The following KLHL17 variants were observed in gnomAD, a reference collection of about 807,000 sequenced individuals.
The protein encoded by KLHL17 is kelch like family member 17, also known as kelch-like protein 17.
Under a neutral mutation model 64.6 loss-of-function variants are expected in KLHL17, and 71 were observed. That is an observed-to-expected ratio of 1.10 (90% confidence interval 0.91 to 1.34). The LOEUF (loss-of-function observed/expected upper bound fraction) is 1.34. KLHL17 is among the 40% of genes most tolerant of loss of function. The pLI, the probability that KLHL17 is intolerant of heterozygous loss-of-function variation, is 0.00. For missense variants in KLHL17, 1,140 were observed against 935.0 expected, an observed-to-expected ratio of 1.22 and a Z score of -2.86; for synonymous variants, 612 against 405.4, an observed-to-expected ratio of 1.51 and a Z score of -6.12.
Position 965,437 on chromosome 1 carries a change from C to A in KLHL17, c.*246C>A. 1 of 559,880 alleles carries A rather than the reference C, an allele frequency of 1.8e-6. No individual in the cohort carries two copies. The highest frequency in any genetic ancestry group is 3.3e-5 in the Admixed American group (1 of 30,030). 34.7% of individuals were successfully genotyped at this position (559,880 alleles called of 1,614,324 possible). ...CCCTCCACTGCCTGCATGGGGGGCG[C>A]GGGGAGTGACCAGGCGGGGGCCTCA... is the stretch of plus-strand genomic sequence containing the variant. On this transcript the variant is annotated 3_prime_UTR_variant, in exon 12 of 12. Coordinates refer to ENST00000338591, the MANE Select transcript of KLHL17 (RefSeq NM_198317.3).
rs147703918 is a variant in KLHL17, at chr1:962,773, C to G, written c.898C>G (p.Leu300Val). ...GCTGGGCCACGTGGATGCCGAGAGC[C>G]TGGTGAGGCACCACCCTGACTGCAA... ...FLLGHVDAESLVRHHPDCKDL... is the reference protein window; with the variant it reads ...FLLGHVDAESVVRHHPDCKDL... The change falls in exon 6 of 12, where the codon CTG becomes GTG. Residue 300 changes from leucine (L) to valine (V), a missense_variant. Coordinates refer to ENST00000338591, the MANE Select transcript of KLHL17 (RefSeq NM_198317.3). The G allele has an allele frequency of 6.2e-7, 1 of 1,611,280 alleles. No homozygotes were observed. Among genetic ancestry groups the G allele is most frequent in the South Asian group, 1.1e-5 (1 of 91,056 alleles).
In KLHL17 at chr1:965,243, G is replaced by A. The variant is rs1370225358; in HGVS notation, c.*52G>A. ...CTCCCACATGCCTTAAGGGGACCGT[G>A]GCCCCCACCAGGGACGTCCTGCGCC... On this transcript the variant is annotated 3_prime_UTR_variant, in exon 12 of 12. Transcript: ENST00000338591. 1.3e-6 allele frequency: 2 copies of A among 1,519,398 alleles called. No individual in the cohort carries two copies. The highest frequency in any genetic ancestry group is 9.1e-7 in the Non-Finnish European group (1 of 1,104,898). The allele number at this position is 1,519,398 out of a possible 1,614,324, so 94.1% of individuals were successfully genotyped here.
chr1:964,251 A>G, intron 10 of KLHL17, 71 bp downstream of exon 10: 1 of 1,598,110 alleles, frequency 6.3e-7, no homozygotes, highest in African/African-American at 1.3e-5. Context: ...GTTTACCCAC[A>G]TCCCCCCCAT....
At position 965,534 on chromosome 1, in the gene KLHL17, C is replaced by T; in HGVS notation, c.*343C>T. 3.1e-6 allele frequency: 1 copy of T among 325,356 alleles called. No individual in the cohort carries two copies. The highest frequency in any genetic ancestry group is 5.5e-5 in the East Asian group (1 of 18,314). 20.2% of individuals were successfully genotyped at this position (325,356 alleles called of 1,614,324 possible). A position where few individuals can be genotyped will look rare whatever the true frequency, so the allele number is the denominator to read the frequency against. On this transcript the variant is annotated 3_prime_UTR_variant, in exon 12 of 12. Coordinates refer to ENST00000338591, the MANE Select transcript of KLHL17 (RefSeq NM_198317.3). The stretch of plus-strand genomic sequence containing the variant: ...AGAGGCCCTGGGTCTCTCCAAGCAG[C>T]TGCAGACCCCAGCTCGAATTTTGCA...
At position 961,813 on chromosome 1, in the gene KLHL17, C is replaced by T. The variant is rs761842849; in HGVS notation, c.490-13C>T. ...CCCTGTGCCTCCCTCACCTGCCTCT[C>T]GGTGCCCCGTAGACTCTGCTCCCAG... On this transcript the variant is annotated splice_polypyrimidine_tract_variant and intron_variant, in intron 3 of 11. Coordinates refer to ENST00000338591, the MANE Select transcript of KLHL17 (RefSeq NM_198317.3). 15 of 1,610,122 alleles carry T rather than the reference C, an allele frequency of 9.3e-6. No homozygotes were observed. Among genetic ancestry groups the T allele is most frequent in the East Asian group, 4.5e-5 (2 of 44,858 alleles).
At chr1:963,807 T>G in intron 8 of KLHL17, 113 bp from the exon 9 acceptor site, 3 of 1,243,800 alleles carry the variant, frequency 2.4e-6, no homozygotes, top group South Asian at 1.3e-5. Context: ...CTTTGCGGTC[T>G]GAGTTTGACT....
Position 965,353 on chromosome 1 carries a change from TGAG to T in KLHL17, c.*166_*168del. ...GTTATTTATCTTATTTATTGAGGGGTGAGGAGTGCCACGGCTGCCCGTTTACAC... is the reference window on the plus strand; with the variant it reads ...GTTATTTATCTTATTTATTGAGGGGTGAGTGCCACGGCTGCCCGTTTACAC... On this transcript the variant is annotated 3_prime_UTR_variant, in exon 12 of 12. Transcript: ENST00000338591. The T allele has an allele frequency of 3.1e-6, 2 of 653,254 alleles. No individual in the cohort carries two copies. The highest frequency in any genetic ancestry group is 3.0e-5 in the Admixed American group (1 of 33,474). The allele number at this position is 653,254 out of a possible 1,614,324, so 40.5% of individuals were successfully genotyped here.
In KLHL17 at chr1:963,258, G is replaced by A; in HGVS notation, c.1187+5G>A. The A allele has an allele frequency of 6.2e-7, 1 of 1,600,462 alleles. No individual in the cohort carries two copies. The highest frequency in any genetic ancestry group is 8.5e-7 in the Non-Finnish European group (1 of 1,170,066). On this transcript the variant is annotated splice_donor_5th_base_variant and intron_variant, in intron 7 of 11. Coordinates refer to ENST00000338591, the MANE Select transcript of KLHL17 (RefSeq NM_198317.3). ...CCGGCTCTATGCTGTGGGCGGGTAA[G>A]CCTGGAGGCTGGACTTGGGTCGGGT...
In KLHL17 at chr1:962,887, G is replaced by C; in HGVS notation, c.1012G>C (p.Glu338Gln). ...GTSRTRPRRC[E>Q]GAGPVLFAVG... is the part of the protein sequence containing the mutation. ...CAGCCGCACACGTCCCCGGCGCTGC[G>C]AGGGGGCCGGGCCTGTGCTTTTTGC... is the stretch of plus-strand genomic sequence containing the variant. The change falls in exon 6 of 12, where the codon GAG (glutamate) becomes CAG (glutamine). Residue 338 changes from glutamate (E) to glutamine (Q), a missense_variant. Coordinates refer to ENST00000338591, the MANE Select transcript of KLHL17 (RefSeq NM_198317.3). The C allele has an allele frequency of 6.4e-7, 1 of 1,570,744 alleles. No individual in the cohort carries two copies. Among genetic ancestry groups the C allele is most frequent in the Non-Finnish European group, 8.6e-7 (1 of 1,162,960 alleles).
At chr1:962,682 C>T (rs534589889) in intron 5 of KLHL17, 22 bp from the exon 6 acceptor site, 8 of 1,568,370 alleles carry the variant, frequency 5.1e-6, no homozygotes, top group African/African-American at 4.0e-5. Context: ...CCCGCCTGAC[C>T]TTGGCGTTCC....
chr1:962,890 G>A lies in KLHL17; in HGVS notation c.1015G>A (p.Gly339Arg). Residue 339 changes from glycine (G) to arginine (R), a missense_variant, in exon 6 of 12, where the codon GGG becomes AGG. Gly to Arg is a moderately radical substitution (Grantham distance 125). Transcript: ENST00000338591. ...TSRTRPRRCE[G>R]AGPVLFAVGG... Reference sequence around the variant, plus strand: ...CCGCACACGTCCCCGGCGCTGCGAGGGGGCCGGGCCTGTGCTTTTTGCTGT... The same window carrying A: ...CCGCACACGTCCCCGGCGCTGCGAGAGGGCCGGGCCTGTGCTTTTTGCTGT... 1 of 1,569,854 alleles carries A rather than the reference G, an allele frequency of 6.4e-7. No individual in the cohort carries two copies. The highest frequency in any genetic ancestry group is 1.2e-5 in the South Asian group (1 of 86,242).
At position 965,098 on chromosome 1, in the gene KLHL17, C is replaced by G. The variant is rs373858860; in HGVS notation, c.1836C>G (p.Thr612=). ...GGGTGGCCGCATCCTGCATGTTCAC[C>G]CGGCGCAGCAGTGTGGGTGTGGCGG... ...NKWVAASCMF[T]RRSSVGVAVL... is the part of the protein sequence containing the mutation. Residue 612 remains threonine (T), a synonymous_variant, in exon 12 of 12, where the codon ACC becomes ACG. Coordinates refer to ENST00000338591, the MANE Select transcript of KLHL17 (RefSeq NM_198317.3). 6.2e-7 allele frequency: 1 copy of G among 1,612,646 alleles called. No homozygotes were observed. Among genetic ancestry groups the G allele is most frequent in the Non-Finnish European group, 8.5e-7 (1 of 1,179,920 alleles).
rs775263910 is a variant in KLHL17 at position 965,024 on chromosome 1, A to G, written c.1762A>G (p.Ser588Gly). ...GTACGCCGTGGGGGGTAACGACGGT[A>G]GCTCCAGCCTCAACTCCATCGAGAA... Reference protein sequence around the residue: ...WLYAVGGNDGSSSLNSIEKYN... With the variant: ...WLYAVGGNDGGSSLNSIEKYN... Residue 588 changes from serine to glycine, a missense_variant, in exon 12 of 12, where the codon AGC becomes GGC. By Grantham distance (56) the Ser-to-Gly change is moderately conservative (BLOSUM62 0). Transcript: ENST00000338591. 6.2e-7 allele frequency: 1 copy of G among 1,612,348 alleles called. No homozygotes were observed. The highest frequency in any genetic ancestry group is 1.3e-5 in the African/African-American group (1 of 74,860).
chr1:962,919 T>G lies in KLHL17; in HGVS notation c.1042+2T>G. ...CCGGGCCTGTGCTTTTTGCTGTGGGTATGGCCCCCCGCCCGTTTCCCTCTT... is the reference window on the plus strand; with the variant it reads ...CCGGGCCTGTGCTTTTTGCTGTGGGGATGGCCCCCCGCCCGTTTCCCTCTT... On this transcript the variant is annotated splice_donor_variant, in intron 6 of 11. Coordinates refer to ENST00000338591, the MANE Select transcript of KLHL17 (RefSeq NM_198317.3). LOFTEE classifies it high-confidence loss of function. 1 of 1,545,224 alleles carries G rather than the reference T, an allele frequency of 6.5e-7. No individual in the cohort carries two copies. The highest frequency in any genetic ancestry group is 8.7e-7 in the Non-Finnish European group (1 of 1,149,530).
In KLHL17 at chr1:963,897, G is replaced by A. The variant is rs746725248; in HGVS notation, c.1356-23G>A. ...CGCCTTTCTGTCTCTGCTGAGCTGTGGCTGCGGTCCTGGTGCCCACAGTGC... is the reference window on the plus strand; with the variant it reads ...CGCCTTTCTGTCTCTGCTGAGCTGTAGCTGCGGTCCTGGTGCCCACAGTGC... On this transcript the variant is annotated intron_variant, in intron 8 of 11. Coordinates refer to ENST00000338591, the MANE Select transcript of KLHL17 (RefSeq NM_198317.3). The A allele has an allele frequency of 1.1e-5, 18 of 1,610,316 alleles. No homozygotes were observed. The African/African-American group carries it at 1.9e-4, about 17-fold the overall frequency.
chr1:963,651 C>T, intron 8 of KLHL17, 147 bp downstream of exon 8: 1 of 1,014,112 alleles, frequency 9.9e-7, no homozygotes, highest in East Asian at 2.6e-5. Flanking sequence ...CACACTGGGC[C>T]TGAACTCTTG....
At position 965,425 on chromosome 1, in the gene KLHL17, G is replaced by A. The variant is rs1486845103; in HGVS notation, c.*234G>A. 3.5e-6 allele frequency: 2 copies of A among 572,296 alleles called. No homozygotes were observed. The highest frequency in any genetic ancestry group is 6.2e-6 in the Non-Finnish European group (2 of 324,874). 35.5% of individuals were successfully genotyped at this position (572,296 alleles called of 1,614,324 possible). A position where few individuals can be genotyped will look rare whatever the true frequency, so the allele number is the denominator to read the frequency against. On this transcript the variant is annotated 3_prime_UTR_variant, in exon 12 of 12. Coordinates refer to ENST00000338591, the MANE Select transcript of KLHL17 (RefSeq NM_198317.3). ...CTGCGTGTCCTCCCCTCCACTGCCT[G>A]CATGGGGGGCGCGGGGAGTGACCAG...
Position 965,506 on chromosome 1 carries a change from G to A in KLHL17, c.*315G>A. ...CTGCTCAGACCTTGCAGGCTGTGGA[G>A]CAAGAGGCCCTGGGTCTCTCCAAGC... is the stretch of plus-strand genomic sequence containing the variant. On this transcript the variant is annotated 3_prime_UTR_variant, in exon 12 of 12. Transcript: ENST00000338591. 1 of 398,018 alleles carries A rather than the reference G, an allele frequency of 2.5e-6. No homozygotes were observed. Among genetic ancestry groups the A allele is most frequent in the Middle Eastern group, 6.9e-4 (1 of 1,448 alleles). The allele number at this position is 398,018 out of a possible 1,614,324, so 24.7% of individuals were successfully genotyped here.
At position 962,914 on chromosome 1, in the gene KLHL17, G is replaced by T; in HGVS notation, c.1039G>T (p.Val347Leu). 1 of 1,546,722 alleles carries T rather than the reference G, an allele frequency of 6.5e-7. No homozygotes were observed. The highest frequency in any genetic ancestry group is 8.7e-7 in the Non-Finnish European group (1 of 1,150,800). ...CEGAGPVLFA[V>L]GGGSLFAIHG... ...GGGGGCCGGGCCTGTGCTTTTTGCTGTGGGTATGGCCCCCCGCCCGTTTCC... is the reference window on the plus strand; with the variant it reads ...GGGGGCCGGGCCTGTGCTTTTTGCTTTGGGTATGGCCCCCCGCCCGTTTCC... The change falls in exon 6 of 12, where the codon GTG becomes TTG. Residue 347 changes from valine (V) to leucine (L), a missense_variant. Physicochemically the swap from Val to Leu is conservative, Grantham distance 32. Coordinates refer to ENST00000338591, the MANE Select transcript of KLHL17 (RefSeq NM_198317.3).
Sources: allele counts gnomAD v4.1 joint callset, GRCh38; gene constraint gnomAD v4.1.1; transcripts MANE v1.5; gene names NCBI Gene and HGNC (gene_info 2026-07-23, HGNC 2026-07-21).